Variants in SLC25A12 observed in about 807,000 individuals in gnomAD.
SLC25A12 encodes solute carrier family 25 member 12.
In SLC25A12, 32 loss-of-function variants were observed where a neutral mutation model predicts 83.3. That is an observed-to-expected ratio of 0.38 (90% confidence interval 0.29 to 0.52). The LOEUF (loss-of-function observed/expected upper bound fraction) is 0.52, where lower values mean the gene tolerates loss of function less well. Among genes scored for constraint, SLC25A12 ranks in the 20% least tolerant of loss-of-function variants. The pLI, the probability that SLC25A12 is intolerant of heterozygous loss-of-function variation, is 0.84. For missense variants in SLC25A12, 611 were observed against 835.6 expected (o/e 0.73, Z 3.31); for synonymous variants, 267 against 291.1 (o/e 0.92, Z 0.84).
At chr2:171,843,795 CTT>C (rs71013078) in intron 5 of SLC25A12, among the ~76,000 whole-genome samples, 4 of 117,284 alleles carry the variant, frequency 3.4e-5, no homozygotes, top group Admixed American at 9.5e-5. Context: ...AAAGAACTAG[CTT>C]TTTTTTTTTT....
chr2:171,878,078 A>G (rs1409834168), intron 2 of SLC25A12, among the ~76,000 whole-genome samples: 6 of 152,154 alleles, frequency 3.9e-5, no homozygotes, highest in African/African-American at 9.7e-5. Context: ...CTTTCAGGTT[A>G]TTTTGCATTC....
intron 9 of SLC25A12, among the ~76,000 whole-genome samples, chr2:171,821,227 T>C (rs1684186238): frequency 6.6e-6 from 1 of 151,792 alleles, no homozygotes; most frequent in Admixed American, 6.6e-5. Context: ...AGATGGGGAT[T>C]CATCATGTTA....
intron 13 of SLC25A12, among the ~76,000 whole-genome samples, chr2:171,808,969 C>T (rs1445852560): frequency 2.6e-5 from 4 of 151,842 alleles, no homozygotes; most frequent in Non-Finnish European, 4.4e-5. Flanking sequence ...GTTTTCTGTC[C>T]TTGTGACAGT....
At chr2:171,790,923 A>G (rs1301247426) in intron 15 of SLC25A12, among the ~76,000 whole-genome samples, 1 of 152,134 alleles carries the variant, frequency 6.6e-6, no homozygotes, top group Non-Finnish European at 1.5e-5. Flanking sequence ...ATTGAGTTCA[A>G]GGTGGTTTGC....
intron 13 of SLC25A12, among the ~76,000 whole-genome samples, chr2:171,801,915 G>A (rs1244425148): frequency 2.8e-5 from 2 of 71,576 alleles, no homozygotes; most frequent in South Asian, 6.0e-4. Context: ...ATCTGTGTGT[G>A]TGTGTGTGTG....
At chr2:171,887,583 C>A (rs1685846377) in intron 2 of SLC25A12, among the ~76,000 whole-genome samples, 3 of 152,194 alleles carry the variant, frequency 2.0e-5, no homozygotes, top group African/African-American at 7.2e-5. Context: ...GACTTATGTT[C>A]CTGCTGTCCC....
At chr2:171,877,142 T>C (rs1041570969) in intron 2 of SLC25A12, among the ~76,000 whole-genome samples, 2 of 152,232 alleles carry the variant, frequency 1.3e-5, no homozygotes, top group Admixed American at 1.3e-4. Flanking sequence ...AGAATCCTCA[T>C]ACATTTAATC....
intron 4 of SLC25A12, among the ~76,000 whole-genome samples, chr2:171,854,702 C>T (rs1033322703): frequency 3.9e-5 from 6 of 152,204 alleles, no homozygotes; most frequent in African/African-American, 1.4e-4. Context: ...ACCAAAATTA[C>T]AGCCAAGGCA....
intron 9 of SLC25A12, among the ~76,000 whole-genome samples, chr2:171,819,404 ATAAG>A (rs1221167283): frequency 2.3e-5 from 1 of 43,908 alleles, no homozygotes; most frequent in Non-Finnish European, 6.3e-5. Flanking sequence ...ATATAATTAT[ATAAG>A]TATATAATTA....
chr2:171,785,912 G>A (rs534869943), intron 17 of SLC25A12, among the ~76,000 whole-genome samples: 3 of 152,128 alleles, frequency 2.0e-5, no homozygotes, highest in Admixed American at 6.5e-5. Context: ...TGGGAGGTGT[G>A]AGCCACCACA....
At chr2:171,893,676 T>C (rs1199439282) in intron 1 of SLC25A12, among the ~76,000 whole-genome samples, 2 of 152,196 alleles carry the variant, frequency 1.3e-5, no homozygotes, top group Non-Finnish European at 2.9e-5. Context: ...AAACCCAACA[T>C]GTAATTATCT....
At chr2:171,881,697 G>A in intron 2 of SLC25A12, among the ~76,000 whole-genome samples, 1 of 152,142 alleles carries the variant, frequency 6.6e-6, no homozygotes, top group Admixed American at 6.5e-5. Flanking sequence ...AGCAGCTCTA[G>A]GCTATGAGTC....
At chr2:171,791,701 A>T (rs1455999500) in intron 14 of SLC25A12, 112 bp from the exon 15 acceptor site, 1 of 981,580 alleles carries the variant, frequency 1.0e-6, no homozygotes, top group Admixed American at 1.7e-5. Context: ...CTCAGTGACA[A>T]GCCTGAGGTG....
At chr2:171,866,841 T>G (rs1256226561) in intron 3 of SLC25A12, among the ~76,000 whole-genome samples, 2 of 134,454 alleles carry the variant, frequency 1.5e-5, no homozygotes, top group Admixed American at 7.3e-5. Context: ...CCGGACGGGG[T>G]GGCTGCCGGG....
chr2:171,796,651 T>C (rs1683603097), intron 13 of SLC25A12, among the ~76,000 whole-genome samples: 1 of 152,120 alleles, frequency 6.6e-6, no homozygotes, highest in African/African-American at 2.4e-5. Context: ...AAAATTTTTT[T>C]TTTTTTAGTA....
chr2:171,856,403 C>T (rs79779597), intron 3 of SLC25A12, among the ~76,000 whole-genome samples: 126 of 152,214 alleles, frequency 8.3e-4, no homozygotes, highest in African/African-American at 2.8e-3. Flanking sequence ...CCAGACATTG[C>T]CAAATATACC....
intron 15 of SLC25A12, among the ~76,000 whole-genome samples, chr2:171,790,940 G>A (rs1056207650): frequency 1.3e-5 from 2 of 152,128 alleles, no homozygotes; most frequent in African/African-American, 4.8e-5. Context: ...TTGCTGAGGG[G>A]TACTGCTTAC....
At chr2:171,796,971 C>T (rs1683610020) in intron 13 of SLC25A12, among the ~76,000 whole-genome samples, 1 of 152,156 alleles carries the variant, frequency 6.6e-6, no homozygotes, top group Non-Finnish European at 1.5e-5. Flanking sequence ...AATCAAGCAA[C>T]TCAGAATGAG....
rs147375749 is a variant in SLC25A12 at position 171,825,026 on chromosome 2, C to A, written c.930+1772G>T. Among the ~76,000 whole-genome samples the A allele has an allele frequency of 7.0e-4, 106 of 152,078 alleles. No homozygotes were observed. In the East Asian group the frequency reaches 0.019, roughly 27 times the overall value. On this transcript the variant is annotated intron_variant, in intron 9 of 17. Coordinates refer to ENST00000422440, the MANE Select transcript of SLC25A12 (RefSeq NM_003705.5). The stretch of plus-strand genomic sequence containing the variant: ...GTTTTGCCATGTTGCCCAGGCTGGT[C>A]TGGAACTTCTGGGCTCAAGCAATCT...
Sources: gnomAD v4.1 joint callset for allele counts (sites outside exome capture counted in the v4.1 genomes callset) on GRCh38, gnomAD v4.1.1 for gene constraint, MANE v1.5 for transcripts, NCBI Gene and HGNC (gene_info 2026-07-23, HGNC 2026-07-21) for gene names.